SLC4A10: variants seen among roughly 807,000 people sequenced by gnomAD.
SLC4A10 encodes the protein solute carrier family 4 member 10, also known as sodium-driven chloride bicarbonate exchanger.
A neutral mutation model predicts 137.7 loss-of-function variants in SLC4A10; 42 were observed. That is an observed-to-expected ratio of 0.30 (90% CI 0.24 to 0.39). The LOEUF (loss-of-function observed/expected upper bound fraction) is 0.39, where lower values mean the gene tolerates loss of function less well. Ranked by LOEUF, SLC4A10 falls within the 10% of genes least tolerant of loss-of-function variation. The pLI, the probability that SLC4A10 is intolerant of heterozygous loss-of-function variation, is 1.00. For missense variants in SLC4A10, 925 were observed against 1,355.0 expected, an observed-to-expected ratio of 0.68 and a Z score of 4.98; for synonymous variants, 474 against 464.1, an observed-to-expected ratio of 1.02 and a Z score of -0.27.
chr2:161,958,254 T>C (rs1696015705), intron 20 of SLC4A10, among the ~76,000 whole-genome samples: 1 of 152,192 alleles, frequency 6.6e-6, no homozygotes, highest in African/African-American at 2.4e-5. Context: ...AACCCTATTG[T>C]TATCATCTCC....
chr2:161,691,300 G>A (rs139461244), intron 1 of SLC4A10, among the ~76,000 whole-genome samples: 4 of 145,944 alleles, frequency 2.7e-5, no homozygotes, highest in African/African-American at 1.0e-4. Flanking sequence ...GTAGAAGGAT[G>A]GTTATCAGAG....
chr2:161,661,423 G>T (rs1294200334), intron 1 of SLC4A10, among the ~76,000 whole-genome samples: 1 of 152,066 alleles, frequency 6.6e-6, no homozygotes. Flanking sequence ...GCAGTGAGCC[G>T]AGATTGCACC....
rs2106042189 is a variant in SLC4A10 at position 161,983,889 on chromosome 2, A to G, written c.*737A>G. ...GTATTTGCTTAAAATTCAAGTTGTGACTAATGATCAAATACTAGGCTTGTA... is the reference window on the plus strand; with the variant it reads ...GTATTTGCTTAAAATTCAAGTTGTGGCTAATGATCAAATACTAGGCTTGTA... On this transcript the variant is annotated 3_prime_UTR_variant, in exon 27 of 27. Transcript: ENST00000446997. 1 of 152,356 alleles carries G rather than the reference A, an allele frequency of 6.6e-6. No individual in the cohort carries two copies. Among genetic ancestry groups the G allele is most frequent in the African/African-American group, 2.4e-5 (1 of 41,592 alleles). The allele number at this position is 152,356 out of a possible 1,614,324, so 9.4% of individuals were successfully genotyped here.
chr2:161,978,576 G>T (rs1699772044), intron 26 of SLC4A10, among the ~76,000 whole-genome samples: 1 of 152,014 alleles, frequency 6.6e-6, no homozygotes, highest in Non-Finnish European at 1.5e-5. Context: ...TCTTATTGCT[G>T]GTTTTTGTCA....
intron 24 of SLC4A10, among the ~76,000 whole-genome samples, chr2:161,974,724 G>A (rs992824885): frequency 3.9e-5 from 6 of 152,112 alleles, no homozygotes; most frequent in African/African-American, 1.4e-4. Context: ...AATTTCCAAT[G>A]ACATAATCTA....
intron 1 of SLC4A10, among the ~76,000 whole-genome samples, chr2:161,689,287 G>A (rs1453807603): frequency 1.3e-5 from 2 of 152,132 alleles, no homozygotes; most frequent in East Asian, 1.9e-4. Context: ...CTCACCACTC[G>A]CTGACTCACC....
chr2:161,981,333 T>A (rs1575999448), intron 26 of SLC4A10, among the ~76,000 whole-genome samples: 2 of 152,334 alleles, frequency 1.3e-5, no homozygotes, highest in South Asian at 4.1e-4. Flanking sequence ...TGTTATTCTA[T>A]CTTTCAAAAA....
At chr2:161,809,419 C>T (rs1410463877) in intron 3 of SLC4A10, among the ~76,000 whole-genome samples, 1 of 151,924 alleles carries the variant, frequency 6.6e-6, no homozygotes, top group Non-Finnish European at 1.5e-5. Flanking sequence ...GTTTCAATTG[C>T]TTTTGGAGAC....
intron 1 of SLC4A10, among the ~76,000 whole-genome samples, chr2:161,637,091 AT>A (rs1558915290): frequency 5.5e-4 from 69 of 125,528 alleles, no homozygotes; most frequent in African/African-American, 1.8e-3. Context: ...GTATATACAT[AT>A]ACGTATATAC....
intron 20 of SLC4A10, 50 bp downstream of exon 20, chr2:161,957,290 C>A (rs1695831658): frequency 1.9e-6 from 3 of 1,553,960 alleles, no homozygotes; most frequent in Non-Finnish European, 2.6e-6. Context: ...CATTTATCAT[C>A]ATTTAAAATT....
chr2:161,704,464 A>G (rs904481510), intron 1 of SLC4A10, among the ~76,000 whole-genome samples: 4 of 151,730 alleles, frequency 2.6e-5, no homozygotes, highest in Non-Finnish European at 5.9e-5. Context: ...TTTTAGTAAA[A>G]AGAGGAAGCA....
intron 1 of SLC4A10, among the ~76,000 whole-genome samples, chr2:161,644,391 G>C (rs2035733950): frequency 6.6e-6 from 1 of 152,042 alleles, no homozygotes; most frequent in African/African-American, 2.4e-5. Context: ...AGCTACACAG[G>C]AGGCTGAAGA....
chr2:161,799,310 T>G (rs1237551914), intron 2 of SLC4A10, among the ~76,000 whole-genome samples: 1 of 151,882 alleles, frequency 6.6e-6, no homozygotes, highest in Non-Finnish European at 1.5e-5. Flanking sequence ...TTTAGAACAA[T>G]GACATCTATC....
At chr2:161,732,851 G>A (rs1209802093) in intron 1 of SLC4A10, among the ~76,000 whole-genome samples, 1 of 152,158 alleles carries the variant, frequency 6.6e-6, no homozygotes, top group Non-Finnish European at 1.5e-5. Flanking sequence ...GTTGAGAACT[G>A]GAGCAAAGGT....
intron 3 of SLC4A10, among the ~76,000 whole-genome samples, chr2:161,816,448 G>A (rs1000818513): frequency 1.3e-5 from 2 of 151,902 alleles, no homozygotes; most frequent in Non-Finnish European, 2.9e-5. Context: ...TTAACAAAAC[G>A]ATTTTTGGAA....
At chr2:161,644,010 T>G (rs1200956076) in intron 1 of SLC4A10, among the ~76,000 whole-genome samples, 3 of 152,158 alleles carry the variant, frequency 2.0e-5, no homozygotes, top group Non-Finnish European at 4.4e-5. Context: ...TTTACCCTTC[T>G]TTTATGTCTG....
chr2:161,952,003 A>G (rs962874431), intron 19 of SLC4A10, among the ~76,000 whole-genome samples: 9 of 152,160 alleles, frequency 5.9e-5, no homozygotes, highest in Admixed American at 3.3e-4. Context: ...TACATTTTAA[A>G]AAATCAACTA....
chr2:161,755,959 C>T (rs191362193), intron 1 of SLC4A10, among the ~76,000 whole-genome samples: 62 of 152,024 alleles, frequency 4.1e-4, no homozygotes, highest in African/African-American at 1.4e-3. Flanking sequence ...TTAGTAAAGA[C>T]GGGGTTTCTC....
Position 161,904,070 on chromosome 2 carries a change from T to C in SLC4A10, c.1509T>C (p.Asp503=). 6.2e-7 allele frequency: 1 copy of C among 1,601,908 alleles called. No homozygotes were observed. The highest frequency in any genetic ancestry group is 8.5e-7 in the Non-Finnish European group (1 of 1,173,440). ...KAPYFWSDFR[D]AFSLQCLASF... ...CATACTTCTGGAGTGACTTCAGAGA[T>C]GCTTTCAGCCTGCAGTGCTTAGCAT... The change falls in exon 13 of 27, where the codon GAT becomes GAC. Residue 503 remains aspartate, a synonymous_variant. Transcript: ENST00000446997.
Sources: gnomAD v4.1 joint callset for allele counts (sites outside exome capture counted in the v4.1 genomes callset) on GRCh38, gnomAD v4.1.1 for gene constraint, MANE v1.5 for transcripts, NCBI Gene and HGNC (gene_info 2026-07-23, HGNC 2026-07-21) for gene names.